FAR2: variants seen among roughly 807,000 people sequenced by gnomAD.
FAR2 encodes the protein fatty acyl-CoA reductase 2.
FAR2 carries 19 observed loss-of-function variants against 56.0 expected under a neutral mutation model. That is an observed-to-expected ratio of 0.34 (90% CI 0.24 to 0.50). The LOEUF is 0.50. Ranked by LOEUF, FAR2 falls within the 20% of genes least tolerant of loss-of-function variation. FAR2 has a pLI of 0.98. For missense variants in FAR2, 508 were observed against 642.2 expected (o/e 0.79, Z 2.26); for synonymous variants, 219 against 218.8 (o/e 1.00, Z -0.01).
intron 1 of FAR2, among the ~76,000 whole-genome samples, chr12:29,210,155 A>ACT (rs1177753927): frequency 3.3e-5 from 5 of 152,192 alleles, no homozygotes. Context: ...CTACAGAGCT[A>ACT]GGATCATGCC....
At chr12:29,285,059 T>A (rs1591927788) in intron 2 of FAR2, among the ~76,000 whole-genome samples, 1 of 152,136 alleles carries the variant, frequency 6.6e-6, no homozygotes, top group Non-Finnish European at 1.5e-5. Flanking sequence ...GCCAGGATGG[T>A]CTCGATCTCC....
Position 29,293,353 on chromosome 12 carries a change from T to G in FAR2, c.243T>G (p.Ala81=), listed in dbSNP as rs747427137. Residue 81 remains alanine (A), a synonymous_variant, in exon 3 of 12, where the codon GCT becomes GCG. Coordinates refer to ENST00000536681, the MANE Select transcript of FAR2 (RefSeq NM_001271783.2). The part of the protein sequence containing the change: ...VCPNVHEKIR[A]IYADLNQNDF... ...CAAATGTGCATGAGAAGATCAGAGC[T>G]ATTTATGCAGATCTCAATCAGAATG... 5 of 1,609,942 alleles carry G rather than the reference T, an allele frequency of 3.1e-6. No individual in the cohort carries two copies. In the East Asian group the frequency reaches 1.1e-4, roughly 36 times the overall value.
At chr12:29,207,460 G>A (rs1947488770) in intron 1 of FAR2, among the ~76,000 whole-genome samples, 1 of 152,116 alleles carries the variant, frequency 6.6e-6, no homozygotes, top group Non-Finnish European at 1.5e-5. Flanking sequence ...TCTCCAACAA[G>A]GTAAAGCAGG....
At chr12:29,177,316 T>C (rs1017604784) in intron 1 of FAR2, among the ~76,000 whole-genome samples, 1 of 152,140 alleles carries the variant, frequency 6.6e-6, no homozygotes, top group Non-Finnish European at 1.5e-5. Context: ...TTCCAAATAA[T>C]GTACAGGGCA....
chr12:29,158,080 G>A (rs996231405), intron 1 of FAR2, among the ~76,000 whole-genome samples: 2 of 152,126 alleles, frequency 1.3e-5, no homozygotes, highest in African/African-American at 4.8e-5. Flanking sequence ...AGAGCAATTT[G>A]CCTAAAACTT....
intron 9 of FAR2, among the ~76,000 whole-genome samples, chr12:29,320,580 G>C (rs1254219739): frequency 6.6e-6 from 1 of 152,198 alleles, no homozygotes; most frequent in African/African-American, 2.4e-5. Flanking sequence ...GCCAACTATA[G>C]TAATCACTAC....
chr12:29,174,505 C>G (rs539273119), intron 1 of FAR2, among the ~76,000 whole-genome samples: 1 of 129,626 alleles, frequency 7.7e-6, no homozygotes, highest in East Asian at 2.5e-4. Flanking sequence ...GGCACAATCT[C>G]GGCCTCCCCA....
intron 1 of FAR2, among the ~76,000 whole-genome samples, chr12:29,266,074 C>T (rs970291040): frequency 6.6e-6 from 1 of 152,078 alleles, no homozygotes; most frequent in African/African-American, 2.4e-5. Flanking sequence ...TAGGCATGTA[C>T]ATTAGTACAA....
chr12:29,153,247 C>T (rs1949695446), intron 1 of FAR2, among the ~76,000 whole-genome samples: 1 of 152,114 alleles, frequency 6.6e-6, no homozygotes, highest in African/African-American at 2.4e-5. Flanking sequence ...ATCAGGGGCA[C>T]TGACTCCGTT....
chr12:29,244,877 T>G (rs552328803), intron 1 of FAR2, among the ~76,000 whole-genome samples: 1 of 152,162 alleles, frequency 6.6e-6, no homozygotes, highest in East Asian at 1.9e-4. Context: ...TCAAATATGA[T>G]AAGAGTTTAA....
intron 2 of FAR2, chr12:29,292,216 T>A (rs1948980364): frequency 6.6e-6 from 1 of 152,154 alleles, no homozygotes. Context: ...ACTACTTACA[T>A]CATATGTAAG....
intron 1 of FAR2, among the ~76,000 whole-genome samples, chr12:29,174,423 CTTTTTTTTTTTT>C (rs55827253): frequency 1.7e-3 from 96 of 55,444 alleles, no homozygotes; most frequent in African/African-American, 7.6e-3. Context: ...GGTTTTTATT[CTTTTTTTTTTTT>C]TTTTTTTTTT....
At chr12:29,261,242 T>C (rs1197823727) in intron 1 of FAR2, among the ~76,000 whole-genome samples, 1 of 152,028 alleles carries the variant, frequency 6.6e-6, no homozygotes, top group Non-Finnish European at 1.5e-5. Flanking sequence ...ATCGAAATAA[T>C]TAAAGAATCA....
intron 4 of FAR2, among the ~76,000 whole-genome samples, chr12:29,299,657 T>C (rs1462235193): frequency 6.6e-6 from 1 of 152,224 alleles, no homozygotes; most frequent in East Asian, 1.9e-4. Flanking sequence ...GTCATACTTA[T>C]TATTTGCTAA....
chr12:29,260,890 G>A (rs1259075643), intron 1 of FAR2, among the ~76,000 whole-genome samples: 2 of 152,160 alleles, frequency 1.3e-5, no homozygotes, highest in Non-Finnish European at 2.9e-5. Flanking sequence ...GGCCACCAAG[G>A]CAGTACCTTC....
intron 1 of FAR2, among the ~76,000 whole-genome samples, chr12:29,181,473 C>G (rs1428143638): frequency 6.6e-6 from 1 of 152,242 alleles, no homozygotes; most frequent in Non-Finnish European, 1.5e-5. Context: ...AATGGCTTCT[C>G]TGGTCAGCTT....
intron 1 of FAR2, among the ~76,000 whole-genome samples, chr12:29,198,974 T>C (rs1947370121): frequency 6.6e-6 from 1 of 152,156 alleles, no homozygotes; most frequent in Non-Finnish European, 1.5e-5. Context: ...AAGATAAAAA[T>C]CATATTCCTG....
chr12:29,295,989 C>T (rs889917618), intron 3 of FAR2, among the ~76,000 whole-genome samples: 3 of 150,654 alleles, frequency 2.0e-5, no homozygotes, highest in African/African-American at 7.3e-5. Context: ...AGGATGGTCT[C>T]GATCTCCTGA....
At chr12:29,257,834 G>C (rs1268830235) in intron 1 of FAR2, among the ~76,000 whole-genome samples, 2 of 152,124 alleles carry the variant, frequency 1.3e-5, no homozygotes, top group East Asian at 3.9e-4. Flanking sequence ...CACCACGAGG[G>C]TCCGGGGCTT....
Sources: gnomAD v4.1 joint callset for allele counts (sites outside exome capture counted in the v4.1 genomes callset) on GRCh38, gnomAD v4.1.1 for gene constraint, MANE v1.5 for transcripts, NCBI Gene and HGNC (gene_info 2026-07-23, HGNC 2026-07-21) for gene names.